EPHA6: variants seen among roughly 807,000 people sequenced by gnomAD.
EPHA6 encodes the protein EPH receptor A6, also known as ephrin type-A receptor 6.
Under a neutral mutation model 112.0 loss-of-function variants are expected in EPHA6, and 50 were observed. The ratio of observed to expected loss-of-function variants is 0.45; its 90% CI spans 0.36 to 0.56. EPHA6 has a LOEUF of 0.56. EPHA6 is among the 20% of genes least tolerant of loss of function. The pLI is 0.00. For synonymous variants in EPHA6, 529 were observed against 490.7 expected (o/e 1.08, Z -1.03); for missense variants, 1,280 against 1,417.4 (o/e 0.90, Z 1.56).
At chr3:97,191,427 C>T (rs1416591047) in intron 3 of EPHA6, among the ~76,000 whole-genome samples, 1 of 151,890 alleles carries the variant, frequency 6.6e-6, no homozygotes, top group Non-Finnish European at 1.5e-5. Flanking sequence ...TTCTAGCTAA[C>T]AATATTTTTC....
chr3:97,279,074 T>C lies in EPHA6; in HGVS notation c.1606+34787T>C, dbSNP rs142439674. ...AATCTATTACACTCACATAATTTAC[T>C]AGTGGATTCTTTACAAGCAATTTAG... On this transcript the variant is annotated intron_variant, in intron 5 of 17. Coordinates refer to ENST00000389672, the MANE Select transcript of EPHA6 (RefSeq NM_001080448.3). 9.5e-4 allele frequency among the ~76,000 whole-genome samples: 145 copies of C among 152,308 alleles called. 1 individual carries two copies. The highest frequency in any genetic ancestry group is 3.3e-3 in the African/African-American group (138 of 41,562).
At chr3:97,646,138 AAG>A (rs2107594162) in intron 14 of EPHA6, 1 of 1,529,394 alleles carries the variant, frequency 6.5e-7, no homozygotes, top group East Asian at 2.4e-5. Context: ...AATCACAACA[AAG>A]AGCAATCAGA....
chr3:97,596,958 G>A (rs961817051), intron 12 of EPHA6, among the ~76,000 whole-genome samples: 3 of 145,398 alleles, frequency 2.1e-5, no homozygotes, highest in Non-Finnish European at 4.5e-5. Flanking sequence ...TATACAGAGA[G>A]ATAGATAAAT....
chr3:97,532,266 G>A (rs572185947), intron 10 of EPHA6, 92 bp from the exon 11 acceptor site: 17 of 1,108,372 alleles, frequency 1.5e-5, no homozygotes, highest in Middle Eastern at 4.5e-4. Context: ...GAGTCATTAT[G>A]TGAAAAAAGT....
At chr3:97,032,195 G>A (rs1392443211) in intron 3 of EPHA6, among the ~76,000 whole-genome samples, 1 of 151,964 alleles carries the variant, frequency 6.6e-6, no homozygotes, top group Non-Finnish European at 1.5e-5. Context: ...ACTATCGCAA[G>A]GACAAAAAAC....
chr3:97,367,827 C>T (rs1330913735), intron 5 of EPHA6, among the ~76,000 whole-genome samples: 3 of 152,026 alleles, frequency 2.0e-5, no homozygotes, highest in East Asian at 3.9e-4. Context: ...GAATAACAAA[C>T]TATTCCAGTG....
intron 3 of EPHA6, among the ~76,000 whole-genome samples, chr3:97,102,378 T>C (rs1354593175): frequency 3.3e-5 from 5 of 152,064 alleles, no homozygotes; most frequent in African/African-American, 1.2e-4. Flanking sequence ...AACTGCGAGA[T>C]ACAATAAAAT....
At chr3:97,317,891 A>G (rs1441813798) in intron 5 of EPHA6, among the ~76,000 whole-genome samples, 1 of 151,992 alleles carries the variant, frequency 6.6e-6, no homozygotes, top group Non-Finnish European at 1.5e-5. Context: ...ACTGTTGGTT[A>G]TAAGGAGTGT....
chr3:96,935,903 A>G (rs1471109548), intron 2 of EPHA6, among the ~76,000 whole-genome samples: 1 of 151,920 alleles, frequency 6.6e-6, no homozygotes, highest in Non-Finnish European at 1.5e-5. Context: ...ATTAGTGAAA[A>G]TGAATATTTA....
At chr3:97,605,081 T>G in intron 12 of EPHA6, among the ~76,000 whole-genome samples, 1 of 151,436 alleles carries the variant, frequency 6.6e-6, no homozygotes, top group East Asian at 1.9e-4. Flanking sequence ...TGTTCTAAAA[T>G]TGATTGAGAT....
chr3:97,006,263 G>A (rs1400350582), intron 3 of EPHA6, among the ~76,000 whole-genome samples: 1 of 152,026 alleles, frequency 6.6e-6, no homozygotes, highest in Admixed American at 6.6e-5. Flanking sequence ...TTTTTTGGTT[G>A]GTAGGCTATT....
chr3:96,955,941 T>A lies in EPHA6; in HGVS notation c.451-31389T>A, dbSNP rs151210698. Among the ~76,000 whole-genome samples the A allele has an allele frequency of 2.8e-3, 422 of 152,326 alleles. 3 individuals carry two copies. Among genetic ancestry groups the A allele is most frequent in the African/African-American group, 8.1e-3 (335 of 41,566 alleles). On this transcript the variant is annotated intron_variant, in intron 2 of 17. Coordinates refer to ENST00000389672, the MANE Select transcript of EPHA6 (RefSeq NM_001080448.3). Reference sequence around the variant, plus strand: ...AAGAAATCAACTGAGAAATCATTTGTTGGTAGCTCTGAGGGATAAAAAATG... The same window carrying A: ...AAGAAATCAACTGAGAAATCATTTGATGGTAGCTCTGAGGGATAAAAAATG...
chr3:97,328,588 T>C (rs1335714789), intron 5 of EPHA6, among the ~76,000 whole-genome samples: 1 of 152,092 alleles, frequency 6.6e-6, no homozygotes, highest in East Asian at 1.9e-4. Flanking sequence ...CTTTGTATAA[T>C]CTAAGTACTA....
intron 7 of EPHA6, among the ~76,000 whole-genome samples, chr3:97,456,414 C>G (rs2090686966): frequency 6.6e-6 from 1 of 151,924 alleles, no homozygotes. Context: ...TAATATTTCC[C>G]CATTTCTTTC....
At chr3:97,172,841 AAAGC>A (rs1349254618) in intron 3 of EPHA6, among the ~76,000 whole-genome samples, 1 of 151,988 alleles carries the variant, frequency 6.6e-6, no homozygotes, top group Non-Finnish European at 1.5e-5. Flanking sequence ...GACCGGTTAC[AAAGC>A]ACAACCAAAC....
chr3:97,440,124 G>A (rs1325672046), intron 6 of EPHA6, among the ~76,000 whole-genome samples: 1 of 152,074 alleles, frequency 6.6e-6, no homozygotes, highest in Non-Finnish European at 1.5e-5. Flanking sequence ...AATAAGTAGA[G>A]GAGGGGACCA....
At chr3:97,055,942 A>G (rs2045837794) in intron 3 of EPHA6, among the ~76,000 whole-genome samples, 1 of 151,678 alleles carries the variant, frequency 6.6e-6, no homozygotes, top group African/African-American at 2.4e-5. Flanking sequence ...TGGTATTTTA[A>G]TTTCCAAATG....
chr3:96,897,209 CAA>C (rs1491411049), intron 2 of EPHA6, among the ~76,000 whole-genome samples: 10 of 138,082 alleles, frequency 7.2e-5, no homozygotes, highest in African/African-American at 3.1e-4. Context: ...TGTGTATATA[CAA>C]ACACACACAC....
intron 5 of EPHA6, among the ~76,000 whole-genome samples, chr3:97,348,917 T>TG (rs1466388830): frequency 6.6e-6 from 1 of 152,110 alleles, no homozygotes; most frequent in Non-Finnish European, 1.5e-5. Flanking sequence ...ACTGCTAATA[T>TG]AATTTTACCA....
Sources: allele counts gnomAD v4.1 joint callset (sites outside exome capture counted in the v4.1 genomes callset), GRCh38; gene constraint gnomAD v4.1.1; transcripts MANE v1.5; gene names NCBI Gene and HGNC (gene_info 2026-07-23, HGNC 2026-07-21).